Variants in SGK3 observed in about 807,000 individuals in gnomAD.
The protein encoded by SGK3 is serine/threonine-protein kinase Sgk3.
A neutral mutation model predicts 68.5 loss-of-function variants in SGK3; 47 were observed. The observed-to-expected ratio is 0.69, with a 90% CI of 0.54 to 0.87. SGK3 has a LOEUF of 0.87. SGK3 is among the 40% of genes least tolerant of loss of function. The probability of loss-of-function intolerance (pLI) is 0.00; values close to 1 mark genes in which losing one functional copy is unlikely to be tolerated. For missense variants in SGK3, 479 were observed against 575.5 expected (o/e 0.83, Z 1.72); for synonymous variants, 181 against 189.1 (o/e 0.96, Z 0.35).
chr8:66,765,882 G>A (rs957424898), intron 1 of SGK3, among the ~76,000 whole-genome samples: 3 of 151,882 alleles, frequency 2.0e-5, no homozygotes, highest in Non-Finnish European at 4.4e-5. Flanking sequence ...AAAATTAGCC[G>A]GGCGCCATGG....
At chr8:66,777,598 G>C (rs998899833) in intron 1 of SGK3, among the ~76,000 whole-genome samples, 3 of 151,968 alleles carry the variant, frequency 2.0e-5, no homozygotes, top group Admixed American at 2.0e-4. Context: ...TGTCATTTTT[G>C]TTGCAAACCT....
intron 13 of SGK3, among the ~76,000 whole-genome samples, 177 bp from the exon 14 acceptor site, chr8:66,843,275 G>A (rs1809868743): frequency 6.6e-6 from 1 of 152,138 alleles, no homozygotes; most frequent in African/African-American, 2.4e-5. Context: ...AAGTGTTCTA[G>A]TTGACATTAG....
chr8:66,813,929 G>A lies in SGK3; in HGVS notation c.329+1G>A. On this transcript the variant is annotated splice_donor_variant, in intron 5 of 16. Transcript: ENST00000521198. LOFTEE classifies it high-confidence loss of function. ...TTAGGTATCCAGAACTTTATAACCAGTAAGTAATTTTTGTTGCGTTCTAAA... is the reference window on the plus strand; with the variant it reads ...TTAGGTATCCAGAACTTTATAACCAATAAGTAATTTTTGTTGCGTTCTAAA... 1 of 1,581,598 alleles carries A rather than the reference G, an allele frequency of 6.3e-7. No individual in the cohort carries two copies. The highest frequency in any genetic ancestry group is 8.6e-7 in the Non-Finnish European group (1 of 1,165,202).
intron 1 of SGK3, among the ~76,000 whole-genome samples, chr8:66,753,372 A>G (rs2130437837): frequency 6.6e-6 from 1 of 152,336 alleles, no homozygotes; most frequent in Middle Eastern, 3.4e-3. Flanking sequence ...TATTATTCCT[A>G]GATGAACCAA....
At chr8:66,831,413 CAT>C in intron 8 of SGK3, 102 bp downstream of exon 8, 4 of 1,395,060 alleles carry the variant, frequency 2.9e-6, no homozygotes, top group Admixed American at 1.9e-5. Context: ...GTGGTGCAGT[CAT>C]AGCACACTTG....
At position 66,749,289 on chromosome 8, in the gene SGK3, G is replaced by A. The variant is rs147034028; in HGVS notation, c.-122+36456G>A. 1.4e-4 allele frequency among the ~76,000 whole-genome samples: 21 copies of A among 152,176 alleles called. No homozygotes were observed. In the East Asian group the frequency reaches 2.1e-3, roughly 15 times the overall value. ...AGCACTTTGGGAGGCCGAGGCGGGCGGATCACGAGGCCCGGAGTTCGAGAC... is the reference window on the plus strand; with the variant it reads ...AGCACTTTGGGAGGCCGAGGCGGGCAGATCACGAGGCCCGGAGTTCGAGAC... On this transcript the variant is annotated intron_variant, in intron 1 of 16. Transcript: ENST00000521198.
At chr8:66,738,080 A>C (rs111657997) in intron 1 of SGK3, among the ~76,000 whole-genome samples, 3,439 of 151,926 alleles carry the variant, frequency 0.023, 77 homozygotes, top group South Asian at 0.054. Flanking sequence ...CATTTTCACC[A>C]ATTTCATTTT....
chr8:66,824,170 G>T (rs541547499), intron 6 of SGK3, among the ~76,000 whole-genome samples: 1 of 152,168 alleles, frequency 6.6e-6, no homozygotes, highest in East Asian at 1.9e-4. Flanking sequence ...CTGTGACATG[G>T]TTGCTCCTAG....
intron 15 of SGK3, 77 bp downstream of exon 15, chr8:66,847,425 T>C: frequency 6.4e-7 from 1 of 1,565,092 alleles, no homozygotes; most frequent in Non-Finnish European, 8.6e-7. Context: ...TTTTATATGG[T>C]ATTTAATGGA....
intron 5 of SGK3, among the ~76,000 whole-genome samples, 159 bp downstream of exon 5, chr8:66,814,087 C>G (rs1179628218): frequency 6.6e-6 from 1 of 152,110 alleles, no homozygotes; most frequent in Non-Finnish European, 1.5e-5. Context: ...TCTTTCTCCC[C>G]TTTTCTCTTC....
chr8:66,822,028 A>G (rs1159398030), intron 5 of SGK3, among the ~76,000 whole-genome samples: 2 of 143,802 alleles, frequency 1.4e-5, no homozygotes, highest in African/African-American at 5.1e-5. Flanking sequence ...CTGTCTTTCT[A>G]ACTTTTGCCA....
chr8:66,763,047 T>G (rs2130466735), intron 1 of SGK3, among the ~76,000 whole-genome samples: 1 of 152,382 alleles, frequency 6.6e-6, no homozygotes, highest in Non-Finnish European at 1.5e-5. Flanking sequence ...ATTAATTCAT[T>G]AATTAATTCA....
chr8:66,816,867 A>G (rs1808606574), intron 5 of SGK3, among the ~76,000 whole-genome samples: 2 of 150,734 alleles, frequency 1.3e-5, no homozygotes, highest in East Asian at 2.0e-4. Flanking sequence ...CTCTCGCTCT[A>G]TCGCCTAGGC....
chr8:66,831,887 T>G (rs1809314867), intron 8 of SGK3, among the ~76,000 whole-genome samples: 1 of 152,012 alleles, frequency 6.6e-6, no homozygotes, highest in African/African-American at 2.4e-5. Flanking sequence ...TTAGAAAAAT[T>G]ATGGAAATTG....
chr8:66,783,001 G>A (rs1807053582), intron 1 of SGK3, among the ~76,000 whole-genome samples: 1 of 152,210 alleles, frequency 6.6e-6, no homozygotes, highest in Non-Finnish European at 1.5e-5. Context: ...ACCAAGGAGT[G>A]CAACTTCTGG....
intron 1 of SGK3, among the ~76,000 whole-genome samples, chr8:66,716,840 G>C (rs1012178688): frequency 3.3e-5 from 5 of 152,148 alleles, no homozygotes; most frequent in African/African-American, 1.2e-4. Context: ...GTACCATCAA[G>C]TGCAGAAGTG....
chr8:66,779,651 A>AT (rs1806895415), intron 1 of SGK3, among the ~76,000 whole-genome samples: 1 of 143,072 alleles, frequency 7.0e-6, no homozygotes, highest in South Asian at 2.2e-4. Context: ...ACATATATAC[A>AT]TTTTATACAT....
chr8:66,838,501 C>T (rs547726699), intron 10 of SGK3, among the ~76,000 whole-genome samples: 1 of 152,236 alleles, frequency 6.6e-6, no homozygotes, highest in South Asian at 2.1e-4. Flanking sequence ...TCTTAAGTGC[C>T]ACCTTGTGTC....
intron 1 of SGK3, among the ~76,000 whole-genome samples, chr8:66,722,721 G>A (rs1804830555): frequency 6.6e-6 from 1 of 152,154 alleles, no homozygotes; most frequent in Admixed American, 6.6e-5. Flanking sequence ...CTGAGACTGA[G>A]TAATTTATAA....
Sources: gnomAD v4.1 joint callset for allele counts (sites outside exome capture counted in the v4.1 genomes callset) on GRCh38, gnomAD v4.1.1 for gene constraint, MANE v1.5 for transcripts, NCBI Gene and HGNC (gene_info 2026-07-23, HGNC 2026-07-21) for gene names.